Variants in PTPRM observed in about 807,000 individuals in gnomAD.
PTPRM encodes the protein receptor-type tyrosine-protein phosphatase mu.
PTPRM carries 47 observed loss-of-function variants against 186.7 expected under a neutral mutation model. That is an observed-to-expected ratio of 0.25 (90% CI 0.20 to 0.32). The LOEUF (loss-of-function observed/expected upper bound fraction) is 0.32. Among genes scored for constraint, PTPRM ranks in the 10% least tolerant of loss-of-function variants. The pLI is 1.00. For synonymous variants in PTPRM, 668 were observed against 674.9 expected, an observed-to-expected ratio of 0.99 and a Z score of 0.16; for missense variants, 1,494 against 1,865.0, an observed-to-expected ratio of 0.80 and a Z score of 3.66.
At chr18:8,182,875 A>G (rs1290572011) in intron 14 of PTPRM, among the ~76,000 whole-genome samples, 1 of 152,190 alleles carries the variant, frequency 6.6e-6, no homozygotes, top group African/African-American at 2.4e-5. Context: ...CTCTTTTCGT[A>G]TAGCACTGTG....
chr18:8,363,057 G>T (rs1490705973), intron 23 of PTPRM, among the ~76,000 whole-genome samples: 2 of 152,194 alleles, frequency 1.3e-5, no homozygotes, highest in Non-Finnish European at 2.9e-5. Flanking sequence ...CCCAGTCCGG[G>T]CTCTGCTTGT....
chr18:7,960,480 T>TATACACACACAC (rs1300573371), intron 7 of PTPRM, among the ~76,000 whole-genome samples: 1 of 86,600 alleles, frequency 1.2e-5, no homozygotes, highest in African/African-American at 4.4e-5. Flanking sequence ...TATATATATA[T>TATACACACACAC]ACACACACAC....
At chr18:7,680,407 A>G (rs192447178) in intron 1 of PTPRM, among the ~76,000 whole-genome samples, 54 of 152,258 alleles carry the variant, frequency 3.5e-4, no homozygotes, top group African/African-American at 1.3e-3. Flanking sequence ...TCCATCCCCA[A>G]GGGCCTTAGT....
At chr18:7,881,400 A>T (rs1443741429) in intron 2 of PTPRM, among the ~76,000 whole-genome samples, 2 of 152,228 alleles carry the variant, frequency 1.3e-5, no homozygotes, top group East Asian at 1.9e-4. Flanking sequence ...GTGCCATTGC[A>T]TTCCCACCTG....
chr18:7,732,787 G>A (rs1395018486), intron 1 of PTPRM, among the ~76,000 whole-genome samples: 1 of 152,114 alleles, frequency 6.6e-6, no homozygotes, highest in Non-Finnish European at 1.5e-5. Context: ...TTTCAGGTGT[G>A]AGCCACTGTG....
intron 2 of PTPRM, among the ~76,000 whole-genome samples, chr18:7,789,180 T>A (rs2043222547): frequency 6.6e-6 from 1 of 151,938 alleles, no homozygotes; most frequent in Non-Finnish European, 1.5e-5. Flanking sequence ...ACAAAATTAG[T>A]CAGGCATGTT....
chr18:7,810,173 C>CA (rs2044437486), intron 2 of PTPRM, among the ~76,000 whole-genome samples: 1 of 152,204 alleles, frequency 6.6e-6, no homozygotes, highest in Non-Finnish European at 1.5e-5. Flanking sequence ...TCACCGCCCC[C>CA]ACCACCTTTC....
chr18:7,763,282 TG>T (rs1236541320), intron 1 of PTPRM, among the ~76,000 whole-genome samples: 3 of 152,200 alleles, frequency 2.0e-5, no homozygotes, highest in African/African-American at 7.2e-5. Flanking sequence ...AGCCTGGAGA[TG>T]GAAGGAGCAG....
intron 5 of PTPRM, among the ~76,000 whole-genome samples, chr18:7,928,625 GT>G (rs2051308177): frequency 6.6e-6 from 1 of 152,004 alleles, no homozygotes; most frequent in African/African-American, 2.4e-5. Flanking sequence ...GGAAAAATAC[GT>G]TTTGCTCCTA....
At chr18:8,203,731 A>AGT (rs978748613) in intron 14 of PTPRM, among the ~76,000 whole-genome samples, 2 of 152,202 alleles carry the variant, frequency 1.3e-5, no homozygotes, top group African/African-American at 2.4e-5. Flanking sequence ...GTATGTCTAT[A>AGT]GTGTGTGTGT....
rs567866159 is a variant in PTPRM, at chr18:8,129,582, G to C, written c.2168-14065G>C. ...AAATGGCTGTGTTGTACTGCTGTGT[G>C]ATTAACGTTGTGGTTGACTTTGGAT... is the stretch of plus-strand genomic sequence containing the variant. On this transcript the variant is annotated intron_variant, in intron 13 of 32. Coordinates refer to ENST00000580170, the MANE Select transcript of PTPRM (RefSeq NM_001105244.2). Among the ~76,000 whole-genome samples the C allele has an allele frequency of 7.9e-5, 12 of 152,330 alleles. No individual in the cohort carries two copies. The East Asian group carries it at 2.1e-3, about 27-fold the overall frequency.
intron 7 of PTPRM, among the ~76,000 whole-genome samples, chr18:8,009,647 G>A (rs979627891): frequency 7.2e-5 from 11 of 152,230 alleles, no homozygotes; most frequent in East Asian, 3.9e-4. Context: ...GGCGGAGGTC[G>A]CAGTGAGCCA....
intron 7 of PTPRM, among the ~76,000 whole-genome samples, chr18:7,994,842 A>G (rs1490976522): frequency 1.3e-5 from 2 of 152,172 alleles, no homozygotes; most frequent in South Asian, 2.1e-4. Context: ...AGGGAAGTTT[A>G]TAGTAATAAA....
intron 13 of PTPRM, among the ~76,000 whole-genome samples, chr18:8,129,935 G>T (rs1200341831): frequency 6.6e-6 from 1 of 152,158 alleles, no homozygotes; most frequent in African/African-American, 2.4e-5. Flanking sequence ...ACAGTCCTTA[G>T]AGGAGATGCA....
At position 8,076,127 on chromosome 18, in the gene PTPRM, T is replaced by C. The variant is rs905182900; in HGVS notation, c.1442-328T>C. Among the ~76,000 whole-genome samples the C allele has an allele frequency of 5.3e-5, 8 of 152,270 alleles. No homozygotes were observed. The South Asian group carries it at 1.4e-3, about 28-fold the overall frequency. On this transcript the variant is annotated intron_variant, in intron 8 of 32. Coordinates refer to ENST00000580170, the MANE Select transcript of PTPRM (RefSeq NM_001105244.2). ...ATTTTCCAAGGTGGCTCTACCAGTT[T>C]ACACTTCCACAAGGAGTATGTGAGA...
intron 14 of PTPRM, among the ~76,000 whole-genome samples, chr18:8,192,777 T>A (rs902155169): frequency 4.6e-5 from 7 of 152,176 alleles, no homozygotes; most frequent in Admixed American, 4.6e-4. Flanking sequence ...AATGACCAGG[T>A]AAGAGATATT....
chr18:7,990,483 G>T (rs1339807397), intron 7 of PTPRM, among the ~76,000 whole-genome samples: 1 of 152,100 alleles, frequency 6.6e-6, no homozygotes, highest in African/African-American at 2.4e-5. Context: ...TAGTATTTTT[G>T]AGTGATAACT....
At chr18:7,882,260 CA>C (rs2146292654) in intron 2 of PTPRM, among the ~76,000 whole-genome samples, 1 of 152,066 alleles carries the variant, frequency 6.6e-6, no homozygotes, top group East Asian at 1.9e-4. Context: ...ATTTTTCTAG[CA>C]ATTCATGTTT....
At chr18:8,347,077 AC>A (rs1338497750) in intron 23 of PTPRM, among the ~76,000 whole-genome samples, 1 of 152,018 alleles carries the variant, frequency 6.6e-6, no homozygotes, top group African/African-American at 2.4e-5. Context: ...CTTGCTGACC[AC>A]CCACATGTGA....
Sources: allele counts gnomAD v4.1 joint callset (sites outside exome capture counted in the v4.1 genomes callset), GRCh38; gene constraint gnomAD v4.1.1; transcripts MANE v1.5; gene names NCBI Gene and HGNC (gene_info 2026-07-23, HGNC 2026-07-21).